The following SRC variants were observed in gnomAD, a reference collection of about 807,000 sequenced individuals.
The protein encoded by SRC is SRC proto-oncogene, non-receptor tyrosine kinase, also known as proto-oncogene tyrosine-protein kinase Src.
A neutral mutation model predicts 62.9 loss-of-function variants in SRC; 13 were observed. That is an observed-to-expected ratio of 0.21 (90% CI 0.13 to 0.33). The LOEUF is 0.33. Among genes scored for constraint, SRC ranks in the 10% least tolerant of loss-of-function variants. The pLI, the probability that SRC is intolerant of heterozygous loss-of-function variation, is 1.00. For synonymous variants in SRC, 302 were observed against 317.5 expected, an observed-to-expected ratio of 0.95 and a Z score of 0.52; for missense variants, 457 against 737.3, an observed-to-expected ratio of 0.62 and a Z score of 4.40.
rs146865960 is a variant in SRC at position 37,394,272 on chromosome 20, C to T, written c.548C>T (p.Thr183Met). The T allele has an allele frequency of 2.4e-5, 39 of 1,613,594 alleles. No homozygotes were observed. In the East Asian group the frequency reaches 6.5e-4, roughly 27 times the overall value. ...TTCCTCGTGCGAGAAAGTGAGACCA[C>T]GAAAGGTACGAGCGCTCTTGCTGGC... ...GTFLVRESET[T>M]KGAYCLSVSD... is the part of the protein sequence containing the mutation. The change falls in exon 7 of 14, where the codon ACG (threonine) becomes ATG (methionine). Residue 183 changes from threonine (T) to methionine (M), a missense_variant. By Grantham distance (81) the Thr-to-Met change is moderately conservative (BLOSUM62 -1). Transcript: ENST00000373578.
chr20:37,376,375 C>T (rs768148634), intron 2 of SRC, among the ~76,000 whole-genome samples: 2 of 152,242 alleles, frequency 1.3e-5, no homozygotes, highest in African/African-American at 2.4e-5. Flanking sequence ...TATGACATCA[C>T]GCTTCCTCAC....
At chr20:37,381,822 CTGTCCCCAGGTCCATTGACT>C (rs906228726) in intron 2 of SRC, among the ~76,000 whole-genome samples, 2 of 152,198 alleles carry the variant, frequency 1.3e-5, no homozygotes, top group African/African-American at 4.8e-5. Flanking sequence ...GACTTTGGAC[CTGTCCCCAGGTCCATTGACT>C]TGTCCCTCAG....
chr20:37,398,991 C>T lies in SRC; in HGVS notation c.860-1124C>T, dbSNP rs1368029128. ...CACATCAAAGGAACCTCGAGGCCCA[C>T]TGGGACAAGAACCTGGATTAAACAT... On this transcript the variant is annotated intron_variant, in intron 9 of 13. Transcript: ENST00000373578. This position sits in a 1 kb window ranked among gnomAD's most constrained non-coding sequence, Gnocchi z 5.2. 6.6e-6 allele frequency among the ~76,000 whole-genome samples: 1 copy of T among 152,216 alleles called. No individual in the cohort carries two copies. Among genetic ancestry groups the T allele is most frequent in the Non-Finnish European group, 1.5e-5 (1 of 68,036 alleles).
intron 1 of SRC, among the ~76,000 whole-genome samples, chr20:37,361,127 G>C (rs1398828761): frequency 6.6e-6 from 1 of 151,826 alleles, no homozygotes; most frequent in African/African-American, 2.4e-5. Context: ...GAGGTGGGTG[G>C]TGGAGCTTAG....
intron 3 of SRC, chr20:37,383,751 A>G (rs564017630): frequency 6.1e-6 from 1 of 164,502 alleles, no homozygotes; most frequent in Admixed American, 6.5e-5. Flanking sequence ...TTTTTTTTTG[A>G]GACAGAGTAT....
chr20:37,381,759 G>A (rs991280938), intron 2 of SRC, among the ~76,000 whole-genome samples: 2 of 152,150 alleles, frequency 1.3e-5, no homozygotes, highest in Non-Finnish European at 2.9e-5. Context: ...ACACCAGCTG[G>A]GTGAGTGCTG....
Position 37,384,384 on chromosome 20 carries a change from G to A in SRC, c.231G>A (p.Gln77=). ...FNSSDTVTSP[Q]RAGPLAGGVT... ...CCTCGGACACCGTCACCTCCCCGCAGAGGGCGGGCCCGCTGGCCGGTCAGT... is the reference window on the plus strand; with the variant it reads ...CCTCGGACACCGTCACCTCCCCGCAAAGGGCGGGCCCGCTGGCCGGTCAGT... The change falls in exon 4 of 14, where the codon CAG becomes CAA. Residue 77 remains glutamine (Q), a synonymous_variant. Coordinates refer to ENST00000373578, the MANE Select transcript of SRC (RefSeq NM_198291.3). This position sits in a 1 kb window ranked among gnomAD's most constrained non-coding sequence, Gnocchi z 6.7. The A allele has an allele frequency of 6.9e-7, 1 of 1,449,942 alleles. No homozygotes were observed. Among genetic ancestry groups the A allele is most frequent in the Non-Finnish European group, 9.0e-7 (1 of 1,106,638 alleles). 89.8% of individuals were successfully genotyped at this position (1,449,942 alleles called of 1,614,324 possible). A position where few individuals can be genotyped will look rare whatever the true frequency, so the allele number is the denominator to read the frequency against.
intron 3 of SRC, among the ~76,000 whole-genome samples, chr20:37,383,001 TTAAA>T (rs1247591070): frequency 2.0e-5 from 3 of 152,220 alleles, no homozygotes; most frequent in Non-Finnish European, 2.9e-5. Context: ...CCCTTAGCTC[TTAAA>T]TAGTCACTCA....
intron 5 of SRC, among the ~76,000 whole-genome samples, chr20:37,387,288 G>T (rs2147065313): frequency 6.6e-6 from 1 of 152,324 alleles, no homozygotes; most frequent in East Asian, 1.9e-4. Flanking sequence ...GATCAGTGCA[G>T]GACTGCCTTC....
At chr20:37,370,345 C>T (rs898491738) in intron 2 of SRC, among the ~76,000 whole-genome samples, 2 of 152,188 alleles carry the variant, frequency 1.3e-5, no homozygotes, top group Non-Finnish European at 2.9e-5. Context: ...GAGACCAAGG[C>T]GGGAGGATTG....
At chr20:37,347,832 G>T (rs1451690147) in intron 1 of SRC, among the ~76,000 whole-genome samples, 2 of 152,192 alleles carry the variant, frequency 1.3e-5, no homozygotes, top group Non-Finnish European at 2.9e-5. Flanking sequence ...TTGGAAGCTG[G>T]AATGAAAGCC....
At chr20:37,399,057 G>T (rs2070699696) in intron 9 of SRC, among the ~76,000 whole-genome samples, 1 of 152,210 alleles carries the variant, frequency 6.6e-6, no homozygotes, top group South Asian at 2.1e-4. Flanking sequence ...CCCACAGTTA[G>T]AAAAGCAGAT....
intron 9 of SRC, 138 bp from the exon 10 acceptor site, chr20:37,399,977 G>A: frequency 1.4e-6 from 1 of 732,470 alleles, no homozygotes. Flanking sequence ...GCTCAGAAAG[G>A]GCCCAGGCTT....
intron 1 of SRC, among the ~76,000 whole-genome samples, chr20:37,353,126 C>A (rs1237169382): frequency 6.6e-6 from 1 of 152,192 alleles, no homozygotes; most frequent in African/African-American, 2.4e-5. Flanking sequence ...GAACTTTCCG[C>A]AGTTACCTCT....
intron 2 of SRC, among the ~76,000 whole-genome samples, chr20:37,368,518 C>CTTTTTTTTTTTTTTGTT (rs2070102489): frequency 1.4e-5 from 1 of 73,898 alleles, no homozygotes; most frequent in Admixed American, 2.1e-4. Flanking sequence ...CCTATATTTT[C>CTTTTTTTTTTTTTTGTT]TTTTTTTTTT....
intron 2 of SRC, among the ~76,000 whole-genome samples, chr20:37,378,867 G>A (rs1337112765): frequency 2.6e-5 from 4 of 152,126 alleles, no homozygotes; most frequent in Admixed American, 2.6e-4. Flanking sequence ...GGAGGAATGC[G>A]CTTGAGGAAG....
intron 2 of SRC, among the ~76,000 whole-genome samples, chr20:37,373,446 CGCATATATGCATATAT>C (rs1476958146): frequency 3.2e-5 from 3 of 94,670 alleles, no homozygotes; most frequent in African/African-American, 2.6e-4. Flanking sequence ...CGCATATATA[CGCATATATGCATATAT>C]ACACACACAC....
chr20:37,366,453 C>T (rs1446340905), intron 2 of SRC, among the ~76,000 whole-genome samples: 3 of 152,206 alleles, frequency 2.0e-5, no homozygotes, highest in African/African-American at 4.8e-5. Context: ...ATTGTACAAT[C>T]GTCACCACAG....
chr20:37,366,878 G>A (rs901667453), intron 2 of SRC, among the ~76,000 whole-genome samples: 1 of 152,126 alleles, frequency 6.6e-6, no homozygotes, highest in Non-Finnish European at 1.5e-5. Flanking sequence ...TTTCTTTCGA[G>A]TGTGTACCTA....
Sources: allele counts gnomAD v4.1 joint callset (sites outside exome capture counted in the v4.1 genomes callset), GRCh38; gene constraint gnomAD v4.1.1; non-coding constraint Gnocchi (gnomAD v3.1); transcripts MANE v1.5; gene names NCBI Gene and HGNC (gene_info 2026-07-23, HGNC 2026-07-21).